Variants in VPS53 observed in about 807,000 individuals in gnomAD.
VPS53 encodes VPS53 subunit of GARP complex.
A neutral mutation model predicts 107.0 loss-of-function variants in VPS53; 70 were observed. The ratio of observed to expected loss-of-function variants is 0.65; its 90% CI spans 0.54 to 0.80. The LOEUF (loss-of-function observed/expected upper bound fraction) is 0.80, where lower values mean the gene tolerates loss of function less well. VPS53 is among the 30% of genes least tolerant of loss of function. The probability of loss-of-function intolerance (pLI) is 0.00; values close to 1 mark genes in which losing one functional copy is unlikely to be tolerated. For missense variants in VPS53, 917 were observed against 1,049.4 expected, an observed-to-expected ratio of 0.87 and a Z score of 1.74; for synonymous variants, 409 against 393.3, an observed-to-expected ratio of 1.04 and a Z score of -0.47.
At chr17:662,857 GGAAGGAA>G (rs1971522398) in intron 4 of VPS53, among the ~76,000 whole-genome samples, 2 of 91,122 alleles carry the variant, frequency 2.2e-5, no homozygotes, top group Non-Finnish European at 5.8e-5. Context: ...AAGGAAGGAA[GGAAGGAA>G]GGAAGGAACG....
chr17:606,368 C>T (rs1968578530), intron 11 of VPS53, among the ~76,000 whole-genome samples: 1 of 152,158 alleles, frequency 6.6e-6, no homozygotes, highest in South Asian at 2.1e-4. Context: ...AACTTCTAGC[C>T]TCAGTTCTCC....
chr17:655,982 AG>A, intron 5 of VPS53, 29 bp from the exon 6 acceptor site: 1 of 1,590,308 alleles, frequency 6.3e-7, no homozygotes, highest in Non-Finnish European at 8.6e-7. Context: ...CAAGAAAGAA[AG>A]GAAGACGGTC....
chr17:569,903 C>CAAAA (rs61335321), intron 13 of VPS53, among the ~76,000 whole-genome samples: 1 of 106,174 alleles, frequency 9.4e-6, no homozygotes, highest in Non-Finnish European at 2.0e-5. Context: ...GACTCTGCCT[C>CAAAA]AAAAAAAAAA....
chr17:613,556 A>G (rs1268795558), intron 11 of VPS53, among the ~76,000 whole-genome samples: 1 of 151,086 alleles, frequency 6.6e-6, no homozygotes, highest in Non-Finnish European at 1.5e-5. Flanking sequence ...ACCTGTACAG[A>G]TATTCACAGC....
rs7212211 is a variant in VPS53, at chr17:618,275, C to T, written c.1116+5258G>A. The stretch of plus-strand genomic sequence containing the variant: ...CACCACCACGCCTGCTAATATTTCC[C>T]GGGTAGCTGGGACTACAGGCGTGCG... On this transcript the variant is annotated intron_variant, in intron 11 of 21. Transcript: ENST00000437048. 9.5e-5 allele frequency among the ~76,000 whole-genome samples: 9 copies of T among 95,204 alleles called. 1 individual carries two copies. The highest frequency in any genetic ancestry group is 3.0e-4 in the Admixed American group (3 of 10,094). The allele number at this position is 95,204 out of a possible 152,430, so 62.5% of individuals were successfully genotyped here. A position where few individuals can be genotyped will look rare whatever the true frequency, so the allele number is the denominator to read the frequency against.
intron 4 of VPS53, among the ~76,000 whole-genome samples, chr17:680,209 G>A (rs971595773): frequency 3.3e-5 from 5 of 152,074 alleles, no homozygotes; most frequent in Admixed American, 6.5e-5. Flanking sequence ...CAGGAGAATC[G>A]CTTGAACCCA....
rs775120375 is a variant in VPS53, at chr17:582,571, C to T, written c.1313+3699G>A. Among the ~76,000 whole-genome samples, 8 of 139,702 alleles carry T rather than the reference C, an allele frequency of 5.7e-5. 1 individual carries two copies. Among genetic ancestry groups the T allele is most frequent in the Admixed American group, 1.5e-4 (2 of 13,686 alleles). 91.6% of individuals were successfully genotyped at this position (139,702 alleles called of 152,430 possible). A position where few individuals can be genotyped will look rare whatever the true frequency, so the allele number is the denominator to read the frequency against. On this transcript the variant is annotated intron_variant, in intron 13 of 21. Transcript: ENST00000437048. Reference sequence around the variant, plus strand: ...GCGTTCCCAGAGAACCTCCTTCAGACGCTAATGTGTTCCCAGGGAACTTCC... The same window carrying T: ...GCGTTCCCAGAGAACCTCCTTCAGATGCTAATGTGTTCCCAGGGAACTTCC...
chr17:706,742 T>C (rs1307643737), intron 2 of VPS53, among the ~76,000 whole-genome samples: 1 of 152,132 alleles, frequency 6.6e-6, no homozygotes, highest in African/African-American at 2.4e-5. Context: ...TGAGTGAATT[T>C]TGGATTCTCC....
At chr17:643,807 TGAGGACAACACTCATACTTGGAAACC>T (rs1246949736) in intron 7 of VPS53, among the ~76,000 whole-genome samples, 1 of 148,622 alleles carries the variant, frequency 6.7e-6, no homozygotes, top group Non-Finnish European at 1.5e-5. Flanking sequence ...ACTTGGCAAC[TGAGGACAACACTCATACTTGGAAACC>T]GAGGACAACA....
At chr17:618,797 C>G (rs72477045) in intron 11 of VPS53, among the ~76,000 whole-genome samples, 7 of 150,152 alleles carry the variant, frequency 4.7e-5, no homozygotes, top group African/African-American at 1.7e-4. Flanking sequence ...AGGCGCCCAC[C>G]AGGCCTGCTA....
chr17:516,388 G>C lies in VPS53; in HGVS notation c.*2740C>G, dbSNP rs1479597517. On this transcript the variant is annotated 3_prime_UTR_variant, in exon 22 of 22. Transcript: ENST00000437048. ...GCATCTGTTTTTTTGTTTGTTTTGA[G>C]ATAGAGTCTCACTCTGTCGCCAGGC... 1 of 151,740 alleles carries C rather than the reference G, an allele frequency of 6.6e-6. No homozygotes were observed. The highest frequency in any genetic ancestry group is 1.5e-5 in the Non-Finnish European group (1 of 67,940). 9.4% of individuals were successfully genotyped at this position (151,740 alleles called of 1,614,324 possible).
At position 512,645 on chromosome 17, in the gene VPS53, G is replaced by C. The variant is rs1238709384; in HGVS notation, c.*6483C>G. ...GGGGAGCTGTTGAAAAGAAAGAATG[G>C]AAACGAGGTAATGATCCTGGAGCCT... is the stretch of plus-strand genomic sequence containing the variant. On this transcript the variant is annotated 3_prime_UTR_variant, in exon 22 of 22. Coordinates refer to ENST00000437048, the MANE Select transcript of VPS53 (RefSeq NM_001128159.3). 6.6e-6 allele frequency: 1 copy of C among 152,204 alleles called. No homozygotes were observed. The highest frequency in any genetic ancestry group is 1.5e-5 in the Non-Finnish European group (1 of 68,052). 9.4% of individuals were successfully genotyped at this position (152,204 alleles called of 1,614,324 possible).
intron 6 of VPS53, among the ~76,000 whole-genome samples, chr17:653,696 C>T (rs1482673828): frequency 6.6e-6 from 1 of 152,150 alleles, no homozygotes; most frequent in East Asian, 1.9e-4. Flanking sequence ...TGTGCTACGG[C>T]AGGAAGAATG....
intron 11 of VPS53, among the ~76,000 whole-genome samples, chr17:611,890 A>G (rs1968896005): frequency 6.6e-6 from 1 of 152,262 alleles, no homozygotes; most frequent in South Asian, 2.1e-4. Flanking sequence ...GAAAACCTGT[A>G]CTGATATTCA....
At chr17:677,867 C>A (rs1038682382) in intron 4 of VPS53, among the ~76,000 whole-genome samples, 1 of 152,076 alleles carries the variant, frequency 6.6e-6, no homozygotes, top group Non-Finnish European at 1.5e-5. Flanking sequence ...CACCTGTAAT[C>A]CCAACATTTA....
intron 4 of VPS53, among the ~76,000 whole-genome samples, chr17:666,872 T>C (rs1312480970): frequency 1.3e-5 from 2 of 152,158 alleles, no homozygotes; most frequent in African/African-American, 2.4e-5. Flanking sequence ...TGAGCCAAGA[T>C]GGTGCCATTG....
rs532676260 is a variant in VPS53, at chr17:676,994, G to T, written c.286-15099C>A. Reference sequence around the variant, plus strand: ...GTTAATGCACCTGAGTCTATGGAAAGAATGAATCTATGAAAGTTCAGAACA... The same window carrying T: ...GTTAATGCACCTGAGTCTATGGAAATAATGAATCTATGAAAGTTCAGAACA... On this transcript the variant is annotated intron_variant, in intron 4 of 21. Coordinates refer to ENST00000437048, the MANE Select transcript of VPS53 (RefSeq NM_001128159.3). Among the ~76,000 whole-genome samples, 79 of 152,238 alleles carry T rather than the reference G, an allele frequency of 5.2e-4. 1 individual carries two copies. Among genetic ancestry groups the T allele is most frequent in the Non-Finnish European group, 1.0e-3 (71 of 68,004 alleles).
chr17:632,901 T>C (rs1441729715), intron 7 of VPS53: 1 of 389,640 alleles, frequency 2.6e-6, no homozygotes, highest in Non-Finnish European at 5.1e-6. Flanking sequence ...GAAAAGAATG[T>C]TTTCTAAGGT....
At chr17:543,474 T>C (rs28538181) in intron 17 of VPS53, among the ~76,000 whole-genome samples, 30,964 of 151,858 alleles carry the variant, frequency 0.2, 6,512 homozygotes, top group African/African-American at 0.52. Context: ...GTGTGTTTGC[T>C]TCTGAACAGA....
Sources: allele counts gnomAD v4.1 joint callset (sites outside exome capture counted in the v4.1 genomes callset), GRCh38; gene constraint gnomAD v4.1.1; transcripts MANE v1.5; gene names NCBI Gene and HGNC (gene_info 2026-07-23, HGNC 2026-07-21).